LAPTM4B: variants seen among roughly 807,000 people sequenced by gnomAD.
The protein encoded by LAPTM4B is lysosomal protein transmembrane 4 beta, also known as lysosomal-associated transmembrane protein 4B.
A neutral mutation model predicts 28.5 loss-of-function variants in LAPTM4B; 26 were observed. The ratio of observed to expected loss-of-function variants is 0.91; its 90% CI spans 0.67 to 1.27. LAPTM4B has a LOEUF of 1.27. LAPTM4B is among the 50% of genes most tolerant of loss of function. LAPTM4B has a pLI of 0.00. For missense variants in LAPTM4B, 288 were observed against 285.8 expected (o/e 1.01, Z -0.06); for synonymous variants, 109 against 106.4 (o/e 1.02, Z -0.15).
At chr8:97,788,988 C>G (rs1257611637) in intron 1 of LAPTM4B, among the ~76,000 whole-genome samples, 1 of 151,990 alleles carries the variant, frequency 6.6e-6, no homozygotes, top group Non-Finnish European at 1.5e-5. Flanking sequence ...GCTACAGCGC[C>G]CAGCCCTGAC....
intron 6 of LAPTM4B, among the ~76,000 whole-genome samples, chr8:97,840,288 A>G (rs974587832): frequency 1.3e-5 from 2 of 152,236 alleles, no homozygotes; most frequent in Admixed American, 6.5e-5. Flanking sequence ...ACCCAACTGA[A>G]AATATTTGCG....
At chr8:97,786,361 C>G (rs1389417859) in intron 1 of LAPTM4B, among the ~76,000 whole-genome samples, 1 of 150,644 alleles carries the variant, frequency 6.6e-6, no homozygotes, top group African/African-American at 2.5e-5. Context: ...AAAAAAAATG[C>G]TTGAGGAAAT....
intron 1 of LAPTM4B, among the ~76,000 whole-genome samples, chr8:97,780,579 C>T (rs1004657102): frequency 6.6e-6 from 1 of 152,040 alleles, no homozygotes; most frequent in Non-Finnish European, 1.5e-5. Flanking sequence ...CTCCAAGTGT[C>T]ATGTACTTTA....
intron 1 of LAPTM4B, among the ~76,000 whole-genome samples, chr8:97,793,467 C>A (rs936887103): frequency 6.6e-6 from 1 of 152,008 alleles, no homozygotes; most frequent in Admixed American, 6.6e-5. Flanking sequence ...AAAAATTGTT[C>A]TTGGAATTAT....
At chr8:97,838,248 C>T (rs938816428) in intron 6 of LAPTM4B, among the ~76,000 whole-genome samples, 16 of 152,282 alleles carry the variant, frequency 1.1e-4, no homozygotes, top group South Asian at 2.1e-4. Context: ...ACACCTTGAA[C>T]GTCATCTGGC....
chr8:97,785,312 G>T (rs1482180002), intron 1 of LAPTM4B, among the ~76,000 whole-genome samples: 3 of 152,062 alleles, frequency 2.0e-5, no homozygotes, highest in Non-Finnish European at 4.4e-5. Context: ...CTTGACCTCA[G>T]GTGATCCGCC....
chr8:97,796,603 T>A (rs1816587999), intron 1 of LAPTM4B, among the ~76,000 whole-genome samples: 1 of 152,218 alleles, frequency 6.6e-6, no homozygotes. Flanking sequence ...GTTGTAGTGC[T>A]TTTTACCTAT....
At chr8:97,822,496 C>T (rs1412900422) in intron 5 of LAPTM4B, among the ~76,000 whole-genome samples, 1 of 151,514 alleles carries the variant, frequency 6.6e-6, no homozygotes, top group Non-Finnish European at 1.5e-5. Flanking sequence ...AGTCAGAGGA[C>T]CTAGGGTTAG....
chr8:97,816,749 G>C (rs909793062), intron 4 of LAPTM4B, among the ~76,000 whole-genome samples: 2 of 152,154 alleles, frequency 1.3e-5, no homozygotes, highest in African/African-American at 4.8e-5. Context: ...GCCTTTGCTA[G>C]TGTGTTGAAA....
intron 6 of LAPTM4B, among the ~76,000 whole-genome samples, chr8:97,850,841 C>A (rs1251873020): frequency 6.7e-6 from 1 of 149,238 alleles, no homozygotes; most frequent in Non-Finnish European, 1.5e-5. Flanking sequence ...TTCTGTATTC[C>A]ATTTTCTACT....
chr8:97,845,864 TTCCACTCCCC>T (rs1817423596), intron 6 of LAPTM4B, among the ~76,000 whole-genome samples: 1 of 5,744 alleles, frequency 1.7e-4, no homozygotes, highest in Non-Finnish European at 5.0e-4. Context: ...TTCCCCCCCC[TTCCACTCCCC>T]TCCCCTCCCC....
chr8:97,823,431 G>A (rs1817041881), intron 5 of LAPTM4B, among the ~76,000 whole-genome samples: 1 of 149,746 alleles, frequency 6.7e-6, no homozygotes. Context: ...CTGGAGTGCA[G>A]TGGCGCAATC....
chr8:97,843,780 C>CAAATAAAT (rs150370509), intron 6 of LAPTM4B, among the ~76,000 whole-genome samples: 10,997 of 148,886 alleles, frequency 0.074, 546 homozygotes, highest in East Asian at 0.23. Context: ...AACTCCATCT[C>CAAATAAAT]AAATAAATAA....
chr8:97,781,656 A>G (rs1407077824), intron 1 of LAPTM4B, among the ~76,000 whole-genome samples: 1 of 152,178 alleles, frequency 6.6e-6, no homozygotes, highest in African/African-American at 2.4e-5. Flanking sequence ...AACATTTCCA[A>G]ACTTTCAGCA....
chr8:97,848,398 A>G (rs1228286367), intron 6 of LAPTM4B, among the ~76,000 whole-genome samples: 1 of 147,750 alleles, frequency 6.8e-6, no homozygotes, highest in South Asian at 2.1e-4. Context: ...GCAGATTTGC[A>G]GCACCATTTT....
intron 6 of LAPTM4B, among the ~76,000 whole-genome samples, chr8:97,847,566 G>T (rs1277154978): frequency 6.6e-6 from 1 of 152,212 alleles, no homozygotes; most frequent in African/African-American, 2.4e-5. Flanking sequence ...CACATCCCAT[G>T]TTCATTGATC....
At chr8:97,847,055 T>G (rs1054252357) in intron 6 of LAPTM4B, among the ~76,000 whole-genome samples, 10 of 152,218 alleles carry the variant, frequency 6.6e-5, no homozygotes, top group African/African-American at 2.4e-4. Context: ...AATGATGAGT[T>G]TCTTTCCCAC....
At chr8:97,815,834 C>G (rs1216013639) in intron 3 of LAPTM4B, among the ~76,000 whole-genome samples, 1 of 152,132 alleles carries the variant, frequency 6.6e-6, no homozygotes, top group Non-Finnish European at 1.5e-5. Context: ...TCCCAAAATG[C>G]TGGGATTACA....
intron 6 of LAPTM4B, among the ~76,000 whole-genome samples, chr8:97,829,434 T>G (rs748095607): frequency 5.3e-5 from 8 of 152,030 alleles, no homozygotes; most frequent in Non-Finnish European, 1.2e-4. Flanking sequence ...CTGGTTGATG[T>G]GAGTGTTGGG....
Sources: gnomAD v4.1 joint callset for allele counts (sites outside exome capture counted in the v4.1 genomes callset) on GRCh38, gnomAD v4.1.1 for gene constraint, MANE v1.5 for transcripts, NCBI Gene and HGNC (gene_info 2026-07-23, HGNC 2026-07-21) for gene names.